The following PPP6R3 variants were observed in gnomAD, a reference collection of about 807,000 sequenced individuals.
PPP6R3 encodes the protein protein phosphatase 6 regulatory subunit 3.
In PPP6R3, 38 loss-of-function variants were observed where a neutral mutation model predicts 110.7. The ratio of observed to expected loss-of-function variants is 0.34; its 90% CI spans 0.26 to 0.45. The LOEUF (loss-of-function observed/expected upper bound fraction) is 0.45, where lower values mean the gene tolerates loss of function less well. PPP6R3 is among the 20% of genes least tolerant of loss of function. The probability of loss-of-function intolerance (pLI) is 1.00; values close to 1 mark genes in which losing one functional copy is unlikely to be tolerated. For synonymous variants in PPP6R3, 369 were observed against 373.5 expected (o/e 0.99, Z 0.14); for missense variants, 870 against 1,062.4 (o/e 0.82, Z 2.52).
intron 14 of PPP6R3, among the ~76,000 whole-genome samples, chr11:68,577,836 T>C (rs2099538002): frequency 6.6e-6 from 1 of 152,220 alleles, no homozygotes; most frequent in Non-Finnish European, 1.5e-5. Flanking sequence ...TGCTCTGCTT[T>C]TCTGCCATCA....
chr11:68,461,598 T>C (rs2098708400), intron 1 of PPP6R3, among the ~76,000 whole-genome samples: 1 of 152,110 alleles, frequency 6.6e-6, no homozygotes, highest in Non-Finnish European at 1.5e-5. Context: ...CTGCTGGCTG[T>C]GATCACAATT....
chr11:68,475,391 CCATCGT>C (rs1446227936), intron 1 of PPP6R3, among the ~76,000 whole-genome samples: 1 of 152,198 alleles, frequency 6.6e-6, no homozygotes, highest in African/African-American at 2.4e-5. Flanking sequence ...CACAAAACCG[CCATCGT>C]CATCATGGCC....
At chr11:68,497,586 C>G (rs1167094157) in intron 1 of PPP6R3, among the ~76,000 whole-genome samples, 1 of 151,578 alleles carries the variant, frequency 6.6e-6, no homozygotes, top group Non-Finnish European at 1.5e-5. Context: ...AACTCCTGGG[C>G]TCAAATGGTC....
chr11:68,595,047 A>C (rs549438938), intron 18 of PPP6R3, among the ~76,000 whole-genome samples: 5 of 152,290 alleles, frequency 3.3e-5, no homozygotes, highest in African/African-American at 1.2e-4. Flanking sequence ...CGTACCTCTT[A>C]CTATATAATA....
At chr11:68,499,849 T>G (rs896189671) in intron 1 of PPP6R3, among the ~76,000 whole-genome samples, 3 of 152,150 alleles carry the variant, frequency 2.0e-5, no homozygotes, top group Non-Finnish European at 2.9e-5. Context: ...CTAGGGATTA[T>G]AGGCAAGAGC....
chr11:68,603,863 A>T (rs1278373299), intron 22 of PPP6R3, among the ~76,000 whole-genome samples: 1 of 152,248 alleles, frequency 6.6e-6, no homozygotes, highest in Non-Finnish European at 1.5e-5. Context: ...TATTTTCAGT[A>T]ACATACAGAT....
At chr11:68,548,242 G>C in intron 5 of PPP6R3, 38 bp downstream of exon 5, 2 of 1,610,424 alleles carry the variant, frequency 1.2e-6, no homozygotes, top group Non-Finnish European at 8.5e-7. Flanking sequence ...CTGGGGTTAG[G>C]GTGCTGGCAT....
At chr11:68,577,629 A>C (rs2099536924) in intron 14 of PPP6R3, among the ~76,000 whole-genome samples, 1 of 152,206 alleles carries the variant, frequency 6.6e-6, no homozygotes, top group Non-Finnish European at 1.5e-5. Flanking sequence ...TACAATTCAG[A>C]TAATGCTCAC....
At chr11:68,502,972 C>T (rs1382282234) in intron 1 of PPP6R3, among the ~76,000 whole-genome samples, 1 of 151,826 alleles carries the variant, frequency 6.6e-6, no homozygotes, top group African/African-American at 2.4e-5. Flanking sequence ...GAGACGGAGT[C>T]TCACTCTGTT....
At chr11:68,566,748 A>T (rs1466770760) in intron 9 of PPP6R3, among the ~76,000 whole-genome samples, 1 of 152,168 alleles carries the variant, frequency 6.6e-6, no homozygotes, top group African/African-American at 2.4e-5. Context: ...CTTTCTTCTC[A>T]TAACAGCTTG....
At chr11:68,600,250 G>A in intron 19 of PPP6R3, 91 bp from the exon 20 acceptor site, 1 of 1,420,768 alleles carries the variant, frequency 7.0e-7, no homozygotes, top group East Asian at 2.3e-5. Context: ...CACAGCTCCA[G>A]TCTCTTTTGC....
At chr11:68,529,214 G>C (rs1014074835) in intron 2 of PPP6R3, among the ~76,000 whole-genome samples, 1 of 152,000 alleles carries the variant, frequency 6.6e-6, no homozygotes, top group Non-Finnish European at 1.5e-5. Flanking sequence ...ACCTGTTTTT[G>C]GGTGTGTGTG....
At chr11:68,585,035 G>A (rs1164353289) in intron 15 of PPP6R3, among the ~76,000 whole-genome samples, 1 of 152,210 alleles carries the variant, frequency 6.6e-6, no homozygotes, top group Non-Finnish European at 1.5e-5. Flanking sequence ...CACGTTTGAG[G>A]TTGGGCATCA....
At chr11:68,551,096 A>ATTAC (rs2099371043) in intron 5 of PPP6R3, 25 bp from the exon 6 acceptor site, 1 of 1,532,056 alleles carries the variant, frequency 6.5e-7, no homozygotes, top group Non-Finnish European at 9.0e-7. Flanking sequence ...CATTGCTATG[A>ATTAC]TTACTTCTAC....
chr11:68,467,821 C>T (rs1212648165), intron 1 of PPP6R3, among the ~76,000 whole-genome samples: 1 of 152,218 alleles, frequency 6.6e-6, no homozygotes, highest in African/African-American at 2.4e-5. Context: ...GTCGCCCAGG[C>T]TGGAGTGTAG....
At chr11:68,490,733 G>C (rs528341372) in intron 1 of PPP6R3, among the ~76,000 whole-genome samples, 1 of 151,546 alleles carries the variant, frequency 6.6e-6, no homozygotes, top group African/African-American at 2.4e-5. Context: ...TTAGCCTACT[G>C]ATAGATCCAC....
At chr11:68,574,053 GT>G in intron 12 of PPP6R3, 55 bp from the exon 13 acceptor site, 1 of 1,262,070 alleles carries the variant, frequency 7.9e-7, no homozygotes, top group East Asian at 2.3e-5. Flanking sequence ...TTTACCGAGT[GT>G]TTCATCACTT....
intron 2 of PPP6R3, among the ~76,000 whole-genome samples, chr11:68,523,648 G>A (rs11228270): frequency 0.034 from 5,089 of 151,450 alleles, 136 homozygotes; most frequent in East Asian, 0.14. Flanking sequence ...CCTAAGGAGA[G>A]CCACATTTGT....
At chr11:68,491,102 A>G (rs757015883) in intron 1 of PPP6R3, among the ~76,000 whole-genome samples, 1 of 151,912 alleles carries the variant, frequency 6.6e-6, no homozygotes, top group African/African-American at 2.4e-5. Flanking sequence ...CAGGAGGATC[A>G]CTTGAGCCTA....
Sources: allele counts gnomAD v4.1 joint callset (sites outside exome capture counted in the v4.1 genomes callset), GRCh38; gene constraint gnomAD v4.1.1; transcripts MANE v1.5; gene names NCBI Gene and HGNC (gene_info 2026-07-23, HGNC 2026-07-21).